ARHGAP44: variants seen among roughly 807,000 people sequenced by gnomAD.
ARHGAP44 encodes rho GTPase-activating protein 44.
In ARHGAP44, 43 loss-of-function variants were observed where a neutral mutation model predicts 106.8. That is an observed-to-expected ratio of 0.40 (90% CI 0.32 to 0.52). The LOEUF (loss-of-function observed/expected upper bound fraction) is 0.52, where lower values mean the gene tolerates loss of function less well. Among genes scored for constraint, ARHGAP44 ranks in the 20% least tolerant of loss-of-function variants. The probability of loss-of-function intolerance (pLI) is 0.48; values close to 1 mark genes in which losing one functional copy is unlikely to be tolerated. For synonymous variants in ARHGAP44, 439 were observed against 410.3 expected (o/e 1.07, Z -0.85); for missense variants, 866 against 1,050.5 (o/e 0.82, Z 2.43).
chr17:12,945,393 AC>A (rs749953890), intron 10 of ARHGAP44, among the ~76,000 whole-genome samples: 1 of 152,150 alleles, frequency 6.6e-6, no homozygotes, highest in Non-Finnish European at 1.5e-5. Flanking sequence ...TCTTCCATAG[AC>A]TATTTTAATA....
chr17:12,903,377 AG>A lies in ARHGAP44; in HGVS notation c.199-5517del, dbSNP rs1314423281. Reference sequence around the variant, plus strand: ...AAGGTTCTATCTGCATTCTAGAGCTAGGGAGAAAAATTATTTCAGTAGCTCC... The same window carrying A: ...AAGGTTCTATCTGCATTCTAGAGCTAGGAGAAAAATTATTTCAGTAGCTCC... On this transcript the variant is annotated intron_variant, in intron 3 of 20. Transcript: ENST00000379672. Among the ~76,000 whole-genome samples, 5 of 152,100 alleles carry A rather than the reference AG, an allele frequency of 3.3e-5. No homozygotes were observed. In the East Asian group the frequency reaches 9.6e-4, roughly 29 times the overall value.
chr17:12,864,973 T>G (rs1302396268), intron 1 of ARHGAP44, among the ~76,000 whole-genome samples: 1 of 152,060 alleles, frequency 6.6e-6, no homozygotes, highest in African/African-American at 2.4e-5. Flanking sequence ...GGAGGACAGA[T>G]TCACTAGACT....
intron 16 of ARHGAP44, among the ~76,000 whole-genome samples, chr17:12,968,577 C>G (rs2039446737): frequency 6.6e-6 from 1 of 151,960 alleles, no homozygotes. Context: ...GTTCCTTAAG[C>G]TTGGAATCAT....
At chr17:12,914,748 A>G (rs1270744903) in intron 4 of ARHGAP44, among the ~76,000 whole-genome samples, 1 of 149,726 alleles carries the variant, frequency 6.7e-6, no homozygotes, top group African/African-American at 2.4e-5. Flanking sequence ...GTGAGCCAAG[A>G]TCGTGCCACT....
intron 1 of ARHGAP44, among the ~76,000 whole-genome samples, chr17:12,793,229 G>A (rs1041980162): frequency 6.6e-6 from 1 of 152,244 alleles, no homozygotes; most frequent in African/African-American, 2.4e-5. Flanking sequence ...ACCTAGCAGT[G>A]CTCAGCACTA....
intron 1 of ARHGAP44, among the ~76,000 whole-genome samples, chr17:12,813,479 A>G (rs1201570338): frequency 6.6e-6 from 1 of 152,218 alleles, no homozygotes; most frequent in Non-Finnish European, 1.5e-5. Flanking sequence ...AGGGTGCAAT[A>G]TATGTATGCT....
At chr17:12,875,478 C>T (rs1236757556) in intron 1 of ARHGAP44, among the ~76,000 whole-genome samples, 2 of 151,974 alleles carry the variant, frequency 1.3e-5, no homozygotes, top group Non-Finnish European at 2.9e-5. Flanking sequence ...CCTGTAGTCC[C>T]CAGCTCGGGA....
intron 4 of ARHGAP44, among the ~76,000 whole-genome samples, chr17:12,913,288 CAA>C (rs1390024984): frequency 6.6e-6 from 1 of 151,680 alleles, no homozygotes; most frequent in Non-Finnish European, 1.5e-5. Context: ...TCTTAACAGA[CAA>C]ACTAGGAAAG....
intron 3 of ARHGAP44, among the ~76,000 whole-genome samples, chr17:12,902,934 A>G (rs902433515): frequency 2.0e-5 from 3 of 152,144 alleles, no homozygotes; most frequent in South Asian, 2.1e-4. Flanking sequence ...GTGGCCCGCT[A>G]TTAGACTGGA....
chr17:12,799,057 C>A lies in ARHGAP44; in HGVS notation c.53+9166C>A, dbSNP rs139321273. 7.4e-3 allele frequency among the ~76,000 whole-genome samples: 1,123 copies of A among 152,234 alleles called. 19 individuals are homozygous for A. Among genetic ancestry groups the A allele is most frequent in the African/African-American group, 0.026 (1,073 of 41,536 alleles). Reference sequence around the variant, plus strand: ...CTGTTTTTCCCTTTGACAAGTTTTGCCCCAGAGGAAGTCTCTCCCTACCCC... The same window carrying A: ...CTGTTTTTCCCTTTGACAAGTTTTGACCCAGAGGAAGTCTCTCCCTACCCC... On this transcript the variant is annotated intron_variant, in intron 1 of 20. Coordinates refer to ENST00000379672, the MANE Select transcript of ARHGAP44 (RefSeq NM_014859.6).
intron 1 of ARHGAP44, among the ~76,000 whole-genome samples, chr17:12,836,639 A>T (rs922075373): frequency 6.6e-6 from 1 of 151,986 alleles, no homozygotes; most frequent in African/African-American, 2.4e-5. Context: ...CCTGGGTGAC[A>T]GAGTGAGACT....
At chr17:12,869,579 T>C (rs2036345093) in intron 1 of ARHGAP44, among the ~76,000 whole-genome samples, 1 of 152,210 alleles carries the variant, frequency 6.6e-6, no homozygotes, top group Non-Finnish European at 1.5e-5. Flanking sequence ...TCCACAACTC[T>C]TTCCGTCTTT....
In ARHGAP44 at chr17:12,890,516, C is replaced by A. The variant is rs9915475; in HGVS notation, c.54-4424C>A. Among the ~76,000 whole-genome samples, 889 of 152,266 alleles carry A rather than the reference C, an allele frequency of 5.8e-3. 4 individuals carry two copies. Among genetic ancestry groups the A allele is most frequent in the African/African-American group, 0.02 (819 of 41,550 alleles). ...GGGAACAGAGTCCTTGGGCAGTGAACCCATGGAAGGCATCTTGGGCTAGTC... is the reference window on the plus strand; with the variant it reads ...GGGAACAGAGTCCTTGGGCAGTGAAACCATGGAAGGCATCTTGGGCTAGTC... On this transcript the variant is annotated intron_variant, in intron 1 of 20. Coordinates refer to ENST00000379672, the MANE Select transcript of ARHGAP44 (RefSeq NM_014859.6).
In ARHGAP44 at chr17:12,989,977, T is replaced by G. The variant is rs545183203; in HGVS notation, c.2318-55T>G. The G allele has an allele frequency of 3.3e-5, 53 of 1,583,812 alleles. No individual in the cohort carries two copies. In the African/African-American group the frequency reaches 5.1e-4, roughly 15 times the overall value. ...CTGACATTATTTGCCTACAACTAGG[T>G]TCTCATTTGCCGGGAAGCCTCCTTT... On this transcript the variant is annotated intron_variant, in intron 20 of 20. Coordinates refer to ENST00000379672, the MANE Select transcript of ARHGAP44 (RefSeq NM_014859.6).
chr17:12,910,898 T>A (rs911929733), intron 4 of ARHGAP44, among the ~76,000 whole-genome samples: 3 of 151,384 alleles, frequency 2.0e-5, no homozygotes, highest in African/African-American at 7.3e-5. Context: ...AATAAAAAAA[T>A]AAAATAAATT....
intron 6 of ARHGAP44, among the ~76,000 whole-genome samples, chr17:12,925,015 T>C (rs773592763): frequency 2.6e-5 from 4 of 152,060 alleles, no homozygotes; most frequent in Non-Finnish European, 5.9e-5. Flanking sequence ...GGCGGGGCAG[T>C]GTGAAGTCTT....
chr17:12,865,728 G>C (rs1271404492), intron 1 of ARHGAP44, among the ~76,000 whole-genome samples: 1 of 150,298 alleles, frequency 6.7e-6, no homozygotes, highest in African/African-American at 2.4e-5. Context: ...GGCGGAGCTT[G>C]CAATGAGCCG....
At chr17:12,931,525 C>T (rs2150968827) in intron 7 of ARHGAP44, among the ~76,000 whole-genome samples, 1 of 152,062 alleles carries the variant, frequency 6.6e-6, no homozygotes, top group East Asian at 1.9e-4. Context: ...GAGACGGAGT[C>T]TTGCTCTGTC....
intron 3 of ARHGAP44, among the ~76,000 whole-genome samples, chr17:12,903,614 A>T (rs1410137760): frequency 6.6e-6 from 1 of 152,110 alleles, no homozygotes; most frequent in Non-Finnish European, 1.5e-5. Flanking sequence ...AATTTATTTC[A>T]ATAGGTTTTT....
Sources: allele counts gnomAD v4.1 joint callset (sites outside exome capture counted in the v4.1 genomes callset), GRCh38; gene constraint gnomAD v4.1.1; transcripts MANE v1.5; gene names NCBI Gene and HGNC (gene_info 2026-07-23, HGNC 2026-07-21).